The following PPP4R3A variants were observed in gnomAD, a reference collection of about 807,000 sequenced individuals.
PPP4R3A encodes serine/threonine-protein phosphatase 4 regulatory subunit 3A.
A neutral mutation model predicts 91.7 loss-of-function variants in PPP4R3A; 15 were observed. The ratio of observed to expected loss-of-function variants is 0.16; its 90% CI spans 0.11 to 0.25. The LOEUF (loss-of-function observed/expected upper bound fraction) is 0.25. PPP4R3A is among the 10% of genes least tolerant of loss of function. The pLI is 1.00. For missense variants in PPP4R3A, 623 were observed against 998.4 expected (o/e 0.62, Z 5.07); for synonymous variants, 377 against 348.7 (o/e 1.08, Z -0.91).
rs3029507 is a variant in PPP4R3A at position 91,479,293 on chromosome 14, CGTGTGTGT to C, written c.915+2275_915+2282del. Among the ~76,000 whole-genome samples the C allele has an allele frequency of 1.6e-3, 234 of 144,202 alleles. 1 individual carries two copies. Among genetic ancestry groups the C allele is most frequent in the East Asian group, 7.3e-3 (36 of 4,924 alleles). 94.6% of individuals were successfully genotyped at this position (144,202 alleles called of 152,430 possible). On this transcript the variant is annotated intron_variant, in intron 4 of 14. Transcript: ENST00000554943. ...ACAGGCATCAAAGAATAAAAAACAA[CGTGTGTGT>C]GTGTGTGTGTGTGTGTGTGTGTGTG...
intron 10 of PPP4R3A, 60 bp downstream of exon 10, chr14:91,470,777 A>C: frequency 6.4e-7 from 1 of 1,560,280 alleles, no homozygotes; most frequent in Non-Finnish European, 8.7e-7. Context: ...TTTGGGCAAT[A>C]AGATGTAAAA....
chr14:91,498,248 T>C (rs960606425), intron 1 of PPP4R3A, among the ~76,000 whole-genome samples: 2 of 151,978 alleles, frequency 1.3e-5, no homozygotes, highest in Non-Finnish European at 2.9e-5. Flanking sequence ...AGCAGGAGAA[T>C]TGCTTGAACC....
intron 1 of PPP4R3A, among the ~76,000 whole-genome samples, chr14:91,494,424 C>A (rs998633420): frequency 2.6e-5 from 4 of 151,924 alleles, no homozygotes; most frequent in Non-Finnish European, 5.9e-5. Flanking sequence ...GACTTGTATC[C>A]GGAATATATA....
At chr14:91,464,627 A>C (rs995551242) in intron 11 of PPP4R3A, among the ~76,000 whole-genome samples, 1 of 152,302 alleles carries the variant, frequency 6.6e-6, no homozygotes, top group South Asian at 2.1e-4. Context: ...AAATTTGCAC[A>C]GCATCAATGA....
At chr14:91,506,808 C>A (rs1891319761) in intron 1 of PPP4R3A, among the ~76,000 whole-genome samples, 1 of 152,178 alleles carries the variant, frequency 6.6e-6, no homozygotes, top group South Asian at 2.1e-4. Flanking sequence ...CCTGGGCATC[C>A]CAAAATGCTG....
chr14:91,458,972 C>G, intron 14 of PPP4R3A, 103 bp from the exon 15 acceptor site: 2 of 1,320,838 alleles, frequency 1.5e-6, no homozygotes, highest in Non-Finnish European at 2.0e-6. Context: ...AACATAGTAA[C>G]GGTGGTTATT....
Position 91,460,673 on chromosome 14 carries a change from G to A in PPP4R3A, c.2391+708C>T, listed in dbSNP as rs533350884. ...TTTTTTTTTGAGATGGAGTCTCGCT[G>A]TTGCAGTAGCGATCTCAGCTCACTG... On this transcript the variant is annotated intron_variant, in intron 14 of 14. Coordinates refer to ENST00000554943, the MANE Select transcript of PPP4R3A (RefSeq NM_001366432.2). Among the ~76,000 whole-genome samples the A allele has an allele frequency of 9.4e-5, 11 of 117,104 alleles. No homozygotes were observed. The South Asian group carries it at 3.0e-3, about 32-fold the overall frequency. The allele number at this position is 117,104 out of a possible 152,430, so 76.8% of individuals were successfully genotyped here.
At chr14:91,502,436 CTT>C (rs1891025678) in intron 1 of PPP4R3A, among the ~76,000 whole-genome samples, 1 of 152,100 alleles carries the variant, frequency 6.6e-6, no homozygotes, top group African/African-American at 2.4e-5. Context: ...AATAAACAAA[CTT>C]TTCAAAGTGA....
At chr14:91,498,402 T>G (rs2140152376) in intron 1 of PPP4R3A, among the ~76,000 whole-genome samples, 1 of 152,344 alleles carries the variant, frequency 6.6e-6, no homozygotes, top group Non-Finnish European at 1.5e-5. Flanking sequence ...TTCTTAATGA[T>G]ATTTTGTTAA....
rs1351021520 is a variant in PPP4R3A at position 91,475,967 on chromosome 14, C to A, written c.1111-1G>T. 2 of 1,519,332 alleles carry A rather than the reference C, an allele frequency of 1.3e-6. No individual in the cohort carries two copies. The highest frequency in any genetic ancestry group is 1.3e-5 in the South Asian group (1 of 78,306). 94.1% of individuals were successfully genotyped at this position (1,519,332 alleles called of 1,614,324 possible). On this transcript the variant is annotated splice_acceptor_variant, in intron 6 of 14. Coordinates refer to ENST00000554943, the MANE Select transcript of PPP4R3A (RefSeq NM_001366432.2). LOFTEE classifies it high-confidence loss of function. ...TTCGCACCTGTGTATCATCCATGCC[C>A]TGCAGACAAAAAACATTTATTTTTC...
intron 4 of PPP4R3A, among the ~76,000 whole-genome samples, chr14:91,480,604 A>G (rs930701378): frequency 1.3e-5 from 2 of 152,306 alleles, no homozygotes; most frequent in African/African-American, 2.4e-5. Flanking sequence ...CACAATTCTC[A>G]TTAGAATTTA....
At chr14:91,477,286 G>A (rs1159635541) in intron 4 of PPP4R3A, among the ~76,000 whole-genome samples, 1 of 152,098 alleles carries the variant, frequency 6.6e-6, no homozygotes, top group Non-Finnish European at 1.5e-5. Flanking sequence ...AGTAGTCACA[G>A]ACAACTGGAA....
intron 2 of PPP4R3A, among the ~76,000 whole-genome samples, chr14:91,486,924 AT>A (rs1342295758): frequency 4.9e-4 from 73 of 148,508 alleles, no homozygotes; most frequent in South Asian, 1.1e-3. Context: ...AAAAAAAAAA[AT>A]AGAGAGTCAA....
intron 1 of PPP4R3A, among the ~76,000 whole-genome samples, chr14:91,496,349 G>A (rs758771898): frequency 2.0e-5 from 3 of 152,174 alleles, no homozygotes; most frequent in East Asian, 1.9e-4. Flanking sequence ...CATAGCACAG[G>A]GGATTGAGGT....
At chr14:91,507,501 ATATGCTATAATTATATATAC>A (rs1891451030) in intron 1 of PPP4R3A, among the ~76,000 whole-genome samples, 1 of 139,170 alleles carries the variant, frequency 7.2e-6, no homozygotes, top group Non-Finnish European at 1.5e-5. Flanking sequence ...TATATAGAAT[ATATGCTATAATTATATATAC>A]TATAGTTATA....
rs2140117744 is a variant in PPP4R3A at position 91,483,410 on chromosome 14, A to G, written c.298-1217T>C. On this transcript the variant is annotated intron_variant, in intron 3 of 14. Transcript: ENST00000554943. Reference sequence around the variant, plus strand: ...CCAAGTGGACAGCAGCACTGAAAGGAGGCAAGTCACATTCATGGCTTGTAC... The same window carrying G: ...CCAAGTGGACAGCAGCACTGAAAGGGGGCAAGTCACATTCATGGCTTGTAC... Among the ~76,000 whole-genome samples the G allele has an allele frequency of 1.3e-5, 2 of 152,316 alleles. 1 individual carries two copies. Among genetic ancestry groups the G allele is most frequent in the Middle Eastern group, 6.8e-3 (2 of 294 alleles).
intron 1 of PPP4R3A, 78 bp from the exon 2 acceptor site, chr14:91,490,880 C>T (rs1890193610): frequency 3.2e-6 from 2 of 625,484 alleles, no homozygotes; most frequent in African/African-American, 2.1e-5. Flanking sequence ...ACACATATTT[C>T]CTTAAAAAAA....
At chr14:91,460,145 G>A (rs1313310422) in intron 14 of PPP4R3A, among the ~76,000 whole-genome samples, 2 of 152,028 alleles carry the variant, frequency 1.3e-5, no homozygotes, top group East Asian at 1.9e-4. Context: ...CTGAGTAGTT[G>A]AGACTACAGG....
rs1173163762 is a variant in PPP4R3A, at chr14:91,461,557, G to A, written c.2215C>T (p.Arg739Trp). Residue 739 changes from arginine (R) to tryptophan (W), a missense_variant, in exon 14 of 15, where the codon CGG (arginine) becomes TGG (tryptophan). This residue lies in a region of PPP4R3A where 201 missense variants were observed against 229.9 expected (regional missense o/e 0.87). Transcript: ENST00000554943. ...EVLLKTNLSG[R>W]QSPSFKLSLS... The stretch of plus-strand genomic sequence containing the variant: ...GAAAGCTTGAAACTTGGGCTCTGCC[G>A]TCCAGAAAGGTTTGTTTTCAGAAGC... 1.7e-5 allele frequency: 27 copies of A among 1,613,870 alleles called. No individual in the cohort carries two copies. Among genetic ancestry groups the A allele is most frequent in the African/African-American group, 2.7e-5 (2 of 74,894 alleles).
Sources: gnomAD v4.1 joint callset for allele counts (sites outside exome capture counted in the v4.1 genomes callset) on GRCh38, gnomAD v4.1.1 for gene constraint, gnomAD v4.1.1 regional missense constraint, MANE v1.5 for transcripts, NCBI Gene and HGNC (gene_info 2026-07-23, HGNC 2026-07-21) for gene names.